Variants in RORA observed in about 807,000 individuals in gnomAD.
RORA encodes nuclear receptor ROR-alpha.
A neutral mutation model predicts 69.5 loss-of-function variants in RORA; 7 were observed. The observed-to-expected ratio is 0.10, with a 90% CI of 0.06 to 0.19. RORA has a LOEUF of 0.19. RORA is among the 10% of genes least tolerant of loss of function. The pLI is 1.00. For synonymous variants in RORA, 261 were observed against 240.8 expected, an observed-to-expected ratio of 1.08 and a Z score of -0.78; for missense variants, 457 against 663.0, an observed-to-expected ratio of 0.69 and a Z score of 3.41.
intron 1 of RORA, among the ~76,000 whole-genome samples, chr15:60,970,201 G>A (rs1400200710): frequency 1.3e-5 from 2 of 152,104 alleles, no homozygotes; most frequent in Non-Finnish European, 2.9e-5. Context: ...CTCAGTCTAT[G>A]GTATTTCCCA....
At chr15:61,142,146 AGT>A (rs2079305781) in intron 1 of RORA, among the ~76,000 whole-genome samples, 1 of 53,260 alleles carries the variant, frequency 1.9e-5, no homozygotes, top group Non-Finnish European at 7.8e-5. Flanking sequence ...CCATTTATAA[AGT>A]TTTTTTTTTT....
At chr15:60,809,408 G>C (rs2072710084) in intron 1 of RORA, among the ~76,000 whole-genome samples, 1 of 152,110 alleles carries the variant, frequency 6.6e-6, no homozygotes, top group Non-Finnish European at 1.5e-5. Context: ...ATTCTACAAA[G>C]CTTTATAGAA....
In RORA at chr15:60,511,033, A is replaced by G. The variant is rs943361444; in HGVS notation, c.820+193T>C. Reference sequence around the variant, plus strand: ...CCCCATTTCTAATGCTGAGAGGTCAATGCATGTATTGGATAAACCATGGGA... The same window carrying G: ...CCCCATTTCTAATGCTGAGAGGTCAGTGCATGTATTGGATAAACCATGGGA... On this transcript the variant is annotated intron_variant, in intron 5 of 10. Coordinates refer to ENST00000335670, the MANE Select transcript of RORA (RefSeq NM_134261.3). This position sits in a 1 kb window ranked among gnomAD's most constrained non-coding sequence, Gnocchi z 6.4. Among the ~76,000 whole-genome samples, 5 of 152,226 alleles carry G rather than the reference A, an allele frequency of 3.3e-5. No individual in the cohort carries two copies. Among genetic ancestry groups the G allele is most frequent in the Admixed American group, 6.5e-5 (1 of 15,290 alleles).
chr15:61,013,610 T>A (rs1311853711), intron 1 of RORA, among the ~76,000 whole-genome samples: 5 of 152,236 alleles, frequency 3.3e-5, no homozygotes, highest in Middle Eastern at 3.4e-3. Context: ...TAGGCCAATT[T>A]AAAAAATTTC....
At chr15:60,656,516 CT>C (rs35053324) in intron 2 of RORA, among the ~76,000 whole-genome samples, 81,903 of 151,644 alleles carry the variant, frequency 0.54, 22,276 homozygotes, top group Non-Finnish European at 0.57. Flanking sequence ...CCCTGAGATT[CT>C]TTTTTTTTCA....
rs1555420667 is a variant in RORA at position 60,494,181 on chromosome 15, T to TTAAAAAAAATCCGTAGC, written c.*3257_*3273dup. The TTAAAAAAAATCCGTAGC allele has an allele frequency of 1.1e-5, 1 of 93,302 alleles. No homozygotes were observed. Among genetic ancestry groups the TTAAAAAAAATCCGTAGC allele is most frequent in the African/African-American group, 2.8e-5 (1 of 36,356 alleles). 5.8% of individuals were successfully genotyped at this position (93,302 alleles called of 1,614,324 possible). On this transcript the variant is annotated 3_prime_UTR_variant, in exon 11 of 11. Coordinates refer to ENST00000335670, the MANE Select transcript of RORA (RefSeq NM_134261.3). ...AATACACGTTAAGATGCTGAACACTTTAAAAAAAATCCGTAGCTTTAACAC... is the reference window on the plus strand; with the variant it reads ...AATACACGTTAAGATGCTGAACACTTTAAAAAAAATCCGTAGCTAAAAAAAATCCGTAGCTTTAACAC...
At chr15:60,868,670 C>T (rs1223919885) in intron 1 of RORA, among the ~76,000 whole-genome samples, 1 of 152,018 alleles carries the variant, frequency 6.6e-6, no homozygotes, top group African/African-American at 2.4e-5. Flanking sequence ...GTTTCAAATC[C>T]ATTCAATCAG....
chr15:60,937,332 G>A (rs185879218), intron 1 of RORA, among the ~76,000 whole-genome samples: 4 of 152,278 alleles, frequency 2.6e-5, no homozygotes, highest in Admixed American at 2.0e-4. Flanking sequence ...TTTACTGTCT[G>A]GGTGATTATT....
intron 1 of RORA, among the ~76,000 whole-genome samples, chr15:61,165,213 C>G (rs2079531011): frequency 6.6e-6 from 1 of 152,346 alleles, no homozygotes; most frequent in African/African-American, 2.4e-5. Flanking sequence ...CCACACCAGG[C>G]ATCTGGGGGC....
chr15:61,200,111 A>G (rs1035170667), intron 1 of RORA, among the ~76,000 whole-genome samples: 8 of 152,224 alleles, frequency 5.3e-5, no homozygotes, highest in Non-Finnish European at 5.9e-5. Flanking sequence ...TCCTTGGGGA[A>G]CAGAAAGAGA....
intron 1 of RORA, among the ~76,000 whole-genome samples, chr15:61,050,439 T>C (rs1408123183): frequency 2.6e-5 from 4 of 152,244 alleles, no homozygotes; most frequent in Non-Finnish European, 5.9e-5. Flanking sequence ...AATTTAATAA[T>C]TACAGTCAAT....
chr15:60,822,203 C>G (rs908626527), intron 1 of RORA, among the ~76,000 whole-genome samples: 2 of 152,082 alleles, frequency 1.3e-5, no homozygotes, highest in African/African-American at 4.8e-5. Context: ...AGAATTTGAT[C>G]GTTTAAAAGA....
chr15:60,943,236 C>T (rs1173075535), intron 1 of RORA, among the ~76,000 whole-genome samples: 1 of 152,104 alleles, frequency 6.6e-6, no homozygotes, highest in African/African-American at 2.4e-5. Context: ...AGGAAGACTG[C>T]CAGGTTCTGC....
chr15:60,944,674 G>A (rs1171413898), intron 1 of RORA, among the ~76,000 whole-genome samples: 1 of 139,728 alleles, frequency 7.2e-6, no homozygotes, highest in South Asian at 2.4e-4. Context: ...GCAGTGAGCT[G>A]AGATCATACC....
At chr15:60,665,692 C>A (rs2070368398) in intron 2 of RORA, among the ~76,000 whole-genome samples, 1 of 152,114 alleles carries the variant, frequency 6.6e-6, no homozygotes. Context: ...CCTATTCTTT[C>A]TTTCTTTTCT....
chr15:60,972,454 G>A (rs1364208922), intron 1 of RORA, among the ~76,000 whole-genome samples: 1 of 152,204 alleles, frequency 6.6e-6, no homozygotes, highest in East Asian at 1.9e-4. Flanking sequence ...GACCTTACAA[G>A]GTGATGACAC....
At chr15:60,917,463 G>A (rs1891910302) in intron 1 of RORA, among the ~76,000 whole-genome samples, 4 of 152,168 alleles carry the variant, frequency 2.6e-5, no homozygotes, top group African/African-American at 9.7e-5. Flanking sequence ...GCCTTTCTTG[G>A]TCTTATTTTT....
At chr15:60,694,416 G>A (rs2070873008) in intron 1 of RORA, among the ~76,000 whole-genome samples, 1 of 152,204 alleles carries the variant, frequency 6.6e-6, no homozygotes, top group Admixed American at 6.5e-5. Flanking sequence ...TGGTCTCCAT[G>A]CCTTGCAGCG....
At chr15:61,062,277 GTTTGT>G (rs757845845) in intron 1 of RORA, among the ~76,000 whole-genome samples, 1 of 152,164 alleles carries the variant, frequency 6.6e-6, no homozygotes, top group African/African-American at 2.4e-5. Flanking sequence ...AGCTTCCCAA[GTTTGT>G]CTTTTTCTTA....
Sources: allele counts gnomAD v4.1 joint callset (sites outside exome capture counted in the v4.1 genomes callset), GRCh38; gene constraint gnomAD v4.1.1; non-coding constraint Gnocchi (gnomAD v3.1); transcripts MANE v1.5; gene names NCBI Gene and HGNC (gene_info 2026-07-23, HGNC 2026-07-21).